CSMD1: variants seen among roughly 807,000 people sequenced by gnomAD.
The protein encoded by CSMD1 is CUB and Sushi multiple domains 1.
In CSMD1, 213 loss-of-function variants were observed where a neutral mutation model predicts 417.5. That is an observed-to-expected ratio of 0.51 (90% confidence interval 0.46 to 0.57). The LOEUF is 0.57. Ranked by LOEUF, CSMD1 falls within the 20% of genes least tolerant of loss-of-function variation. The pLI, the probability that CSMD1 is intolerant of heterozygous loss-of-function variation, is 0.00. For missense variants in CSMD1, 6,923 were observed against 4,529.7 expected (o/e 1.53, Z -15.17); for synonymous variants, 2,862 against 1,736.8 (o/e 1.65, Z -16.11).
At chr8:3,702,690 G>A (rs1800936756) in intron 7 of CSMD1, among the ~76,000 whole-genome samples, 3 of 152,150 alleles carry the variant, frequency 2.0e-5, no homozygotes, top group Admixed American at 2.0e-4. Context: ...AAATTAGCCG[G>A]GCATCGTGGT....
chr8:4,236,026 G>GTTTTT (rs147378202), intron 3 of CSMD1, among the ~76,000 whole-genome samples: 7 of 108,082 alleles, frequency 6.5e-5, no homozygotes, highest in African/African-American at 3.0e-4. Flanking sequence ...AATGGATATT[G>GTTTTT]TTTTTTTTGT....
intron 5 of CSMD1, among the ~76,000 whole-genome samples, chr8:3,758,739 C>T (rs1797817771): frequency 6.6e-6 from 1 of 151,684 alleles, no homozygotes; most frequent in Non-Finnish European, 1.5e-5. Flanking sequence ...GATCCCCAAG[C>T]CCCGAGGTCC....
rs535093416 is a variant in CSMD1, at chr8:3,558,862, G to A, written c.1344+16083C>T. ...GAATGGTGTCTCAGTAGTACCCCAT[G>A]TTCACCTGCCGCCCTGTAGTTGCTC... On this transcript the variant is annotated intron_variant, in intron 10 of 69. Coordinates refer to ENST00000635120, the MANE Select transcript of CSMD1 (RefSeq NM_033225.6). 2.0e-5 allele frequency among the ~76,000 whole-genome samples: 3 copies of A among 152,240 alleles called. No individual in the cohort carries two copies. In the South Asian group the frequency reaches 6.2e-4, roughly 32 times the overall value.
chr8:3,984,269 A>T (rs1272879425), intron 5 of CSMD1, among the ~76,000 whole-genome samples: 1 of 152,236 alleles, frequency 6.6e-6, no homozygotes, highest in African/African-American at 2.4e-5. Context: ...CAAATGTCAC[A>T]TTGATGTCCC....
At chr8:4,423,513 C>A (rs777098188) in intron 2 of CSMD1, among the ~76,000 whole-genome samples, 6 of 151,830 alleles carry the variant, frequency 4.0e-5, no homozygotes, top group Non-Finnish European at 8.8e-5. Flanking sequence ...ACAGTGTATA[C>A]AGAAAAGTAC....
intron 3 of CSMD1, among the ~76,000 whole-genome samples, chr8:4,166,956 G>T (rs1268597448): frequency 6.6e-6 from 1 of 152,214 alleles, no homozygotes; most frequent in African/African-American, 2.4e-5. Context: ...ATGTCAGACA[G>T]CACATGCTGA....
intron 2 of CSMD1, among the ~76,000 whole-genome samples, chr8:4,465,083 G>C (rs557365545): frequency 6.6e-6 from 1 of 152,056 alleles, no homozygotes; most frequent in East Asian, 1.9e-4. Context: ...TACCTGAAAC[G>C]GAACGGTTTT....
chr8:4,513,186 T>G (rs1021523326), intron 2 of CSMD1, among the ~76,000 whole-genome samples: 2 of 152,168 alleles, frequency 1.3e-5, no homozygotes, highest in Non-Finnish European at 2.9e-5. Flanking sequence ...GTTCATTGAT[T>G]GTAATAAATG....
At chr8:3,288,407 C>G (rs960114213) in intron 25 of CSMD1, among the ~76,000 whole-genome samples, 1 of 146,978 alleles carries the variant, frequency 6.8e-6, no homozygotes, top group African/African-American at 2.7e-5. Context: ...TGGTAGAATT[C>G]GGCTGTGAAT....
intron 49 of CSMD1, among the ~76,000 whole-genome samples, chr8:3,057,191 A>G (rs1812288918): frequency 6.6e-6 from 1 of 152,194 alleles, no homozygotes; most frequent in South Asian, 2.1e-4. Context: ...GTAAATACCT[A>G]TGAGTATCAT....
chr8:3,830,829 G>C lies in CSMD1; in HGVS notation c.819-76787C>G, dbSNP rs774707929. Among the ~76,000 whole-genome samples the C allele has an allele frequency of 4.9e-4, 75 of 152,168 alleles. 1 individual carries two copies. The highest frequency in any genetic ancestry group is 1.3e-4 in the Non-Finnish European group (9 of 68,036). ...AAATAAAATAATTAGGAGTTATTAA[G>C]CTCTCCTTTCATGCATGCCTAATGA... On this transcript the variant is annotated intron_variant, in intron 5 of 69. Coordinates refer to ENST00000635120, the MANE Select transcript of CSMD1 (RefSeq NM_033225.6).
chr8:3,878,547 T>C (rs1376753814), intron 5 of CSMD1, among the ~76,000 whole-genome samples: 3 of 152,152 alleles, frequency 2.0e-5, no homozygotes, highest in Non-Finnish European at 4.4e-5. Flanking sequence ...GGAAATTATA[T>C]AGATAGGAAG....
chr8:4,458,327 G>T (rs142618890), intron 2 of CSMD1, among the ~76,000 whole-genome samples: 11 of 152,076 alleles, frequency 7.2e-5, no homozygotes, highest in African/African-American at 2.2e-4. Context: ...ACAAGGGATC[G>T]ATTAGCTGAA....
chr8:3,627,372 T>G (rs980122682), intron 7 of CSMD1, among the ~76,000 whole-genome samples: 5 of 152,198 alleles, frequency 3.3e-5, no homozygotes, highest in Non-Finnish European at 7.4e-5. Flanking sequence ...CATGAATTAT[T>G]AAGTTATATA....
At chr8:3,936,155 G>T (rs1414810341) in intron 5 of CSMD1, among the ~76,000 whole-genome samples, 1 of 147,028 alleles carries the variant, frequency 6.8e-6, no homozygotes, top group Non-Finnish European at 1.5e-5. Context: ...TAAATTTGAA[G>T]ATACCAGATG....
At chr8:3,277,277 G>C (rs973158098) in intron 26 of CSMD1, among the ~76,000 whole-genome samples, 1 of 152,114 alleles carries the variant, frequency 6.6e-6, no homozygotes, top group Non-Finnish European at 1.5e-5. Flanking sequence ...GAGAAGATAG[G>C]GGAGAGTTCT....
In CSMD1 at chr8:2,963,202, AATT is replaced by A; in HGVS notation, c.9454+17_9454+19del. ...TTGCAGACCTGCAGTGGGCGGAACA[AATT>A]CTGCTGTAGAACTTACGGAGACACT... On this transcript the variant is annotated intron_variant, in intron 60 of 69. Coordinates refer to ENST00000635120, the MANE Select transcript of CSMD1 (RefSeq NM_033225.6). 1 of 1,612,796 alleles carries A rather than the reference AATT, an allele frequency of 6.2e-7. No homozygotes were observed. Among genetic ancestry groups the A allele is most frequent in the Non-Finnish European group, 8.5e-7 (1 of 1,178,972 alleles).
chr8:4,797,162 C>G (rs989719612), intron 1 of CSMD1, among the ~76,000 whole-genome samples: 1 of 152,182 alleles, frequency 6.6e-6, no homozygotes, highest in East Asian at 1.9e-4. Flanking sequence ...CAGGCAGCAG[C>G]ATCTCAGGCT....
At chr8:4,292,416 C>G (rs556294561) in intron 3 of CSMD1, among the ~76,000 whole-genome samples, 4 of 152,140 alleles carry the variant, frequency 2.6e-5, no homozygotes, top group African/African-American at 7.2e-5. Flanking sequence ...CCACGCCCGG[C>G]TAATTTTTTG....
Sources: allele counts gnomAD v4.1 joint callset (sites outside exome capture counted in the v4.1 genomes callset), GRCh38; gene constraint gnomAD v4.1.1; transcripts MANE v1.5; gene names NCBI Gene and HGNC (gene_info 2026-07-23, HGNC 2026-07-21).